GOLM2: variants seen among roughly 807,000 people sequenced by gnomAD.
GOLM2 encodes golgi membrane protein 2, also known as protein GOLM2.
Under a neutral mutation model 55.9 loss-of-function variants are expected in GOLM2, and 26 were observed. That is an observed-to-expected ratio of 0.47 (90% CI 0.34 to 0.65). GOLM2 has a LOEUF of 0.65. Among genes scored for constraint, GOLM2 ranks in the 30% least tolerant of loss-of-function variants. GOLM2 has a pLI of 0.01. For synonymous variants in GOLM2, 165 were observed against 194.6 expected (o/e 0.85, Z 1.27); for missense variants, 486 against 531.8 (o/e 0.91, Z 0.85).
At chr15:44,360,282 A>T (rs943503603) in intron 6 of GOLM2, among the ~76,000 whole-genome samples, 1 of 152,228 alleles carries the variant, frequency 6.6e-6, no homozygotes, top group Non-Finnish European at 1.5e-5. Context: ...GTCAAGACCC[A>T]TCAGTGTGTT....
intron 6 of GOLM2, among the ~76,000 whole-genome samples, chr15:44,350,332 G>GTAC (rs1225715981): frequency 6.6e-6 from 1 of 151,988 alleles, no homozygotes; most frequent in African/African-American, 2.4e-5. Context: ...TCACTAGAGG[G>GTAC]TACTATGAGC....
intron 6 of GOLM2, among the ~76,000 whole-genome samples, chr15:44,375,108 C>T (rs922048035): frequency 2.0e-5 from 3 of 152,110 alleles, no homozygotes; most frequent in Admixed American, 1.3e-4. Flanking sequence ...ACCTCCTCCA[C>T]CTCCTGGGTT....
At chr15:44,369,055 T>C (rs557528244) in intron 6 of GOLM2, among the ~76,000 whole-genome samples, 1 of 103,220 alleles carries the variant, frequency 9.7e-6, no homozygotes, top group Non-Finnish European at 1.9e-5. Context: ...TATATACATA[T>C]AATAGGATAT....
At chr15:44,404,499 A>G (rs1199855813) in intron 9 of GOLM2, among the ~76,000 whole-genome samples, 1 of 152,168 alleles carries the variant, frequency 6.6e-6, no homozygotes, top group Non-Finnish European at 1.5e-5. Context: ...TGATATTGAT[A>G]TAAATATAAC....
chr15:44,333,756 A>G (rs2079038558), intron 4 of GOLM2, among the ~76,000 whole-genome samples: 1 of 151,620 alleles, frequency 6.6e-6, no homozygotes, highest in African/African-American at 2.4e-5. Flanking sequence ...TCACTCTGTC[A>G]CCCAGGCTGG....
intron 3 of GOLM2, among the ~76,000 whole-genome samples, chr15:44,329,427 T>G (rs1293167093): frequency 6.6e-6 from 1 of 152,242 alleles, no homozygotes; most frequent in African/African-American, 2.4e-5. Flanking sequence ...CATTGTACAT[T>G]TACTTAAATA....
chr15:44,403,215 T>G (rs982203366), intron 9 of GOLM2, 161 bp downstream of exon 9: 33 of 737,500 alleles, frequency 4.5e-5, no homozygotes, highest in Non-Finnish European at 7.0e-5. Flanking sequence ...CAGGCTGGAG[T>G]CCAATGGTGC....
intron 8 of GOLM2, chr15:44,382,232 C>T (rs1230300844): frequency 6.6e-6 from 1 of 152,016 alleles, no homozygotes; most frequent in African/African-American, 2.4e-5. Flanking sequence ...AAACTTACAT[C>T]TCAACAAGAA....
At chr15:44,408,026 G>C (rs1210089090) in intron 9 of GOLM2, among the ~76,000 whole-genome samples, 1 of 151,994 alleles carries the variant, frequency 6.6e-6, no homozygotes, top group Non-Finnish European at 1.5e-5. Context: ...CTGGGATTAC[G>C]GCGTGAGCAA....
intron 1 of GOLM2, among the ~76,000 whole-genome samples, chr15:44,318,547 A>G (rs1273777031): frequency 4.6e-5 from 7 of 152,280 alleles, no homozygotes; most frequent in East Asian, 3.9e-4. Context: ...TGTCTCTACT[A>G]AAAATACAAA....
chr15:44,370,933 T>C (rs1474923457), intron 6 of GOLM2, among the ~76,000 whole-genome samples: 1 of 152,194 alleles, frequency 6.6e-6, no homozygotes, highest in Non-Finnish European at 1.5e-5. Context: ...GCACTGGGAT[T>C]GCAGGGATGA....
chr15:44,292,788 A>G (rs1426050912), intron 1 of GOLM2, among the ~76,000 whole-genome samples: 1 of 151,560 alleles, frequency 6.6e-6, no homozygotes. Context: ...TAAACTTAAC[A>G]GTTTTTCAGG....
intron 1 of GOLM2, among the ~76,000 whole-genome samples, chr15:44,301,289 G>A: frequency 6.6e-6 from 1 of 151,988 alleles, no homozygotes; most frequent in Admixed American, 6.6e-5. Context: ...ATTTTATACT[G>A]ATGATCTCTC....
intron 6 of GOLM2, among the ~76,000 whole-genome samples, chr15:44,342,290 G>A (rs1457601184): frequency 3.3e-5 from 5 of 151,370 alleles, no homozygotes; most frequent in Non-Finnish European, 7.4e-5. Context: ...TTTGGGACAG[G>A]GTCTTGCTCT....
chr15:44,318,827 A>G (rs1343740295), intron 1 of GOLM2, among the ~76,000 whole-genome samples: 1 of 152,120 alleles, frequency 6.6e-6, no homozygotes, highest in East Asian at 1.9e-4. Context: ...ATAATTGTGA[A>G]CCTTACTTAC....
At chr15:44,318,859 C>T (rs1409644477) in intron 1 of GOLM2, among the ~76,000 whole-genome samples, 1 of 152,140 alleles carries the variant, frequency 6.6e-6, no homozygotes, top group Non-Finnish European at 1.5e-5. Flanking sequence ...TATTTCTTAC[C>T]AGTTCTCCCT....
chr15:44,356,953 T>C (rs1017449579), intron 6 of GOLM2, among the ~76,000 whole-genome samples: 3 of 152,102 alleles, frequency 2.0e-5, no homozygotes, highest in African/African-American at 7.2e-5. Flanking sequence ...GGCAAATTGC[T>C]TGAGCTCAGG....
chr15:44,314,946 T>C (rs976483890), intron 1 of GOLM2, among the ~76,000 whole-genome samples: 7 of 152,200 alleles, frequency 4.6e-5, no homozygotes, highest in African/African-American at 1.7e-4. Flanking sequence ...GGCACAAAAA[T>C]AATCATTTAA....
intron 6 of GOLM2, among the ~76,000 whole-genome samples, chr15:44,342,233 C>T (rs1237424990): frequency 6.6e-6 from 1 of 151,444 alleles, no homozygotes; most frequent in Non-Finnish European, 1.5e-5. Flanking sequence ...AAAGGCCTTC[C>T]TCTGGATTGT....
Sources: allele counts gnomAD v4.1 joint callset (sites outside exome capture counted in the v4.1 genomes callset), GRCh38; gene constraint gnomAD v4.1.1; transcripts MANE v1.5; gene names NCBI Gene and HGNC (gene_info 2026-07-23, HGNC 2026-07-21).